Variants in ZNF225 observed in about 807,000 individuals in gnomAD.
The protein encoded by ZNF225 is zinc finger protein 225.
Under a neutral mutation model 12.0 loss-of-function variants are expected in ZNF225, and 6 were observed. That is an observed-to-expected ratio of 0.50 (90% CI 0.27 to 0.98). The LOEUF (loss-of-function observed/expected upper bound fraction) is 0.98. Ranked by LOEUF, ZNF225 falls within the 50% of genes least tolerant of loss-of-function variation. The probability of loss-of-function intolerance (pLI) is 0.11; values close to 1 mark genes in which losing one functional copy is unlikely to be tolerated. For synonymous variants in ZNF225, 271 were observed against 283.2 expected, an observed-to-expected ratio of 0.96 and a Z score of 0.43; for missense variants, 763 against 848.2, an observed-to-expected ratio of 0.90 and a Z score of 1.25.
intron 4 of ZNF225, chr19:44,129,205 G>A: frequency 1.2e-6 from 1 of 861,674 alleles, no homozygotes; most frequent in Non-Finnish European, 1.5e-6. Flanking sequence ...ATACTCCTAG[G>A]TATTTGATAT....
chr19:44,113,239 G>T, upstream of ZNF225: 1 of 152,408 alleles, frequency 6.6e-6, no homozygotes, highest in Non-Finnish European at 1.5e-5. Context: ...AGGCGAATCA[G>T]GGGATTTCTG....
rs917066860 is a variant in ZNF225 at position 44,132,220 on chromosome 19, G to A, written c.1606G>A (p.Gly536Arg). ...TTATTCTCATCGCAGAGTCCACACTGGAGTAAAGCCATACAAATGTGAAGA... is the reference window on the plus strand; with the variant it reads ...TTATTCTCATCGCAGAGTCCACACTAGAGTAAAGCCATACAAATGTGAAGA... Reference protein sequence around the residue: ...QLYSHRRVHTGVKPYKCEECG... With the variant: ...QLYSHRRVHTRVKPYKCEECG... The change falls in exon 5 of 5, where the codon GGA becomes AGA. Residue 536 changes from glycine (G) to arginine (R), a missense_variant. Gly to Arg is a moderately radical substitution (Grantham distance 125). Coordinates refer to ENST00000262894, the MANE Select transcript of ZNF225 (RefSeq NM_013362.4). 3.1e-6 allele frequency: 5 copies of A among 1,613,928 alleles called. No individual in the cohort carries two copies. The Admixed American group carries it at 6.7e-5, about 22-fold the overall frequency.
rs2147555626 is a variant in ZNF225, at chr19:44,118,467, T to G, written c.143-15T>G. ...GATATATTGGCACTAAGCACATGAC[T>G]TTTCACGTTCACAGGGCATCAATCA... On this transcript the variant is annotated splice_polypyrimidine_tract_variant and intron_variant, in intron 3 of 4. Coordinates refer to ENST00000262894, the MANE Select transcript of ZNF225 (RefSeq NM_013362.4). The G allele has an allele frequency of 6.2e-7, 1 of 1,613,610 alleles. No homozygotes were observed. Among genetic ancestry groups the G allele is most frequent in the Admixed American group, 1.7e-5 (1 of 59,986 alleles).
At chr19:44,119,031 T>C (rs1014572316) in intron 4 of ZNF225, among the ~76,000 whole-genome samples, 1 of 152,146 alleles carries the variant, frequency 6.6e-6, no homozygotes, top group Non-Finnish European at 1.5e-5. Flanking sequence ...TTAGCCAGGA[T>C]GGTCTCGATC....
At chr19:44,125,271 T>C (rs1968126469) in intron 4 of ZNF225, among the ~76,000 whole-genome samples, 1 of 152,236 alleles carries the variant, frequency 6.6e-6, no homozygotes, top group Non-Finnish European at 1.5e-5. Context: ...TGAAAAAGAC[T>C]GTATCTTCCA....
intron 4 of ZNF225, among the ~76,000 whole-genome samples, chr19:44,126,379 C>G (rs1968146526): frequency 1.3e-5 from 2 of 152,202 alleles, no homozygotes; most frequent in African/African-American, 2.4e-5. Context: ...GCACAGAGTC[C>G]TGTGATATGA....
chr19:44,133,994 C>T lies in ZNF225; in HGVS notation c.*1259C>T, dbSNP rs1968340917. On this transcript the variant is annotated 3_prime_UTR_variant, in exon 5 of 5. Transcript: ENST00000262894. ...TACTTTATGAAGATCCATGCTGTCT[C>T]AATTTGCATAGTGGGTTGGAGGTCC... 1 of 152,030 alleles carries T rather than the reference C, an allele frequency of 6.6e-6. No homozygotes were observed. Among genetic ancestry groups the T allele is most frequent in the Non-Finnish European group, 1.5e-5 (1 of 68,012 alleles). The allele number at this position is 152,030 out of a possible 1,614,324, so 9.4% of individuals were successfully genotyped here.
At chr19:44,118,399 G>A in intron 3 of ZNF225, 83 bp from the exon 4 acceptor site, 1 of 1,610,746 alleles carries the variant, frequency 6.2e-7, no homozygotes. Context: ...GTATGCATTG[G>A]GAACCTAAGT....
At chr19:44,114,917 TTCCGCA>T (rs1206005527) in intron 1 of ZNF225, among the ~76,000 whole-genome samples, 1 of 152,052 alleles carries the variant, frequency 6.6e-6, no homozygotes, top group Admixed American at 6.5e-5. Flanking sequence ...TTTGTCAGAT[TTCCGCA>T]TTGTAAAATT....
In ZNF225 at chr19:44,131,793, C is replaced by A; in HGVS notation, c.1179C>A (p.Val393=). Residue 393 remains valine, a synonymous_variant, in exon 5 of 5, where the codon GTC becomes GTA. Transcript: ENST00000262894. ...CAGGTCTTTCAAGACATGTGCGAGT[C>A]CACAGTGGAGAGACAACATTCAAAT... The part of the protein sequence containing the change: ...WASGLSRHVR[V]HSGETTFKCE... 2 of 1,613,986 alleles carry A rather than the reference C, an allele frequency of 1.2e-6. No homozygotes were observed. The highest frequency in any genetic ancestry group is 1.7e-6 in the Non-Finnish European group (2 of 1,179,994).
intron 4 of ZNF225, among the ~76,000 whole-genome samples, chr19:44,120,979 C>A (rs1037871223): frequency 2.6e-5 from 4 of 152,048 alleles, no homozygotes; most frequent in Non-Finnish European, 1.5e-5. Flanking sequence ...TCACTGCAGG[C>A]TCCGCCTCCC....
rs751544140 is a variant in ZNF225, at chr19:44,118,554, C to T, written c.215C>T (p.Thr72Ile). ...AAGTTTTGGATGATGGAGACAGCAA[C>T]CCAAAGAGAAGGGAATTTAGGTAAG... The part of the protein sequence containing the change: ...EEKFWMMETA[T>I]QREGNLGGKI... Residue 72 changes from threonine (T) to isoleucine (I), a missense_variant, in exon 4 of 5, where the codon ACC becomes ATC. Physicochemically the swap from Thr to Ile is moderately conservative, Grantham distance 89. Transcript: ENST00000262894. 14 of 1,612,894 alleles carry T rather than the reference C, an allele frequency of 8.7e-6. No individual in the cohort carries two copies. Among genetic ancestry groups the T allele is most frequent in the Non-Finnish European group, 1.2e-5 (14 of 1,179,306 alleles).
At chr19:44,118,965 C>T (rs554633648) in intron 4 of ZNF225, among the ~76,000 whole-genome samples, 18 of 152,164 alleles carry the variant, frequency 1.2e-4, no homozygotes, top group Middle Eastern at 3.4e-3. Flanking sequence ...TACAGATGCC[C>T]GCCACCACGC....
chr19:44,118,959 GAT>G (rs1420980986), intron 4 of ZNF225, among the ~76,000 whole-genome samples: 8 of 152,044 alleles, frequency 5.3e-5, no homozygotes, highest in African/African-American at 1.9e-4. Flanking sequence ...TGGGAATACA[GAT>G]GCCCGCCACC....
At position 44,131,753 on chromosome 19, in the gene ZNF225, G is replaced by C; in HGVS notation, c.1139G>C (p.Ser380Thr). 1 of 1,614,236 alleles carries C rather than the reference G, an allele frequency of 6.2e-7. No homozygotes were observed. Among genetic ancestry groups the C allele is most frequent in the Non-Finnish European group, 8.5e-7 (1 of 1,180,036 alleles). The part of the protein sequence containing the change: ...KPYNCKECGK[S>T]FRWASGLSRH... ...TATAATTGTAAAGAATGTGGAAAGA[G>C]CTTCAGATGGGCCTCAGGTCTTTCA... Residue 380 changes from serine to threonine, a missense_variant, in exon 5 of 5, where the codon AGC (serine) becomes ACC (threonine). Coordinates refer to ENST00000262894, the MANE Select transcript of ZNF225 (RefSeq NM_013362.4).
intron 4 of ZNF225, 127 bp downstream of exon 4, chr19:44,118,701 T>G (rs1967993352): frequency 1.1e-6 from 1 of 933,996 alleles, no homozygotes; most frequent in East Asian, 3.0e-5. Context: ...ACAGCTGACT[T>G]TCGGCTGGTT....
At chr19:44,118,890 C>G (rs1044126063) in intron 4 of ZNF225, among the ~76,000 whole-genome samples, 1 of 151,476 alleles carries the variant, frequency 6.6e-6, no homozygotes, top group Admixed American at 6.6e-5. Context: ...AATCTCGGCT[C>G]ACTGCAAGCT....
chr19:44,132,754 G>T lies in ZNF225; in HGVS notation c.*19G>T. On this transcript the variant is annotated 3_prime_UTR_variant, in exon 5 of 5. Coordinates refer to ENST00000262894, the MANE Select transcript of ZNF225 (RefSeq NM_013362.4). ...CACATAACTGTTGTACTCATTTATG[G>T]GGTACAGTGTGATAGTTAATGCAAG... 6.5e-7 allele frequency: 1 copy of T among 1,531,112 alleles called. No homozygotes were observed. The highest frequency in any genetic ancestry group is 8.8e-7 in the Non-Finnish European group (1 of 1,137,636). The allele number at this position is 1,531,112 out of a possible 1,614,324, so 94.8% of individuals were successfully genotyped here. A position where few individuals can be genotyped will look rare whatever the true frequency, so the allele number is the denominator to read the frequency against.
chr19:44,122,157 T>C (rs550957403), intron 4 of ZNF225, among the ~76,000 whole-genome samples: 51 of 152,350 alleles, frequency 3.3e-4, no homozygotes, highest in African/African-American at 1.2e-3. Flanking sequence ...TAATCTATCT[T>C]GAATTGATTT....
Sources: gnomAD v4.1 joint callset for allele counts (sites outside exome capture counted in the v4.1 genomes callset) on GRCh38, gnomAD v4.1.1 for gene constraint, MANE v1.5 for transcripts, NCBI Gene and HGNC (gene_info 2026-07-23, HGNC 2026-07-21) for gene names.